The following ZNF676 variants were observed in gnomAD, a reference collection of about 807,000 sequenced individuals.
ZNF676 encodes the protein zinc finger protein 676.
ZNF676 carries 4 observed loss-of-function variants against 6.0 expected under a neutral mutation model. That is an observed-to-expected ratio of 0.67 (90% CI 0.33 to 1.53). The LOEUF (loss-of-function observed/expected upper bound fraction) is 1.53, where lower values mean the gene tolerates loss of function less well. Ranked by LOEUF, ZNF676 falls within the 40% of genes most tolerant of loss-of-function variation. The pLI is 0.06. For missense variants in ZNF676, 644 were observed against 679.7 expected, an observed-to-expected ratio of 0.95 and a Z score of 0.58; for synonymous variants, 198 against 223.1, an observed-to-expected ratio of 0.89 and a Z score of 1.00.
chr19:22,242,876 T>C, the ZNF676 span, among the ~76,000 whole-genome samples: 23 of 151,872 alleles, frequency 1.5e-4, no homozygotes, highest in South Asian at 2.1e-4. Flanking sequence ...GGAGTTACAT[T>C]ATGTAGCTGC....
chr19:22,183,116 C>CA (rs1185056389), intron 2 of ZNF676, among the ~76,000 whole-genome samples: 2 of 150,510 alleles, frequency 1.3e-5, no homozygotes, highest in African/African-American at 2.4e-5. Context: ...AGATACCACA[C>CA]AAAAAAATCT....
chr19:22,197,098 A>G, upstream of ZNF676: 3 of 211,450 alleles, frequency 1.4e-5, no homozygotes, highest in Non-Finnish European at 2.8e-5. Flanking sequence ...TGAGGTGGGC[A>G]GATCACCTGA....
chr19:22,215,745 C>A, exon 1 of ZNF676: 10 of 1,385,936 alleles, frequency 7.2e-6, no homozygotes, highest in Non-Finnish European at 9.9e-6. Flanking sequence ...AGGCCTTTAC[C>A]TCCGGCTGCA....
chr19:22,228,190 C>A, the ZNF676 span, among the ~76,000 whole-genome samples: 1 of 152,156 alleles, frequency 6.6e-6, no homozygotes, highest in Non-Finnish European at 1.5e-5. Flanking sequence ...GGATGCATGG[C>A]TGGTTCAACA....
chr19:22,185,078 A>G (rs986402281), intron 2 of ZNF676, among the ~76,000 whole-genome samples: 3 of 151,812 alleles, frequency 2.0e-5, no homozygotes, highest in Non-Finnish European at 2.9e-5. Context: ...ATTAAGAGAC[A>G]CCTCCCAGTA....
intron 1 of ZNF676, among the ~76,000 whole-genome samples, chr19:22,212,430 G>C (rs1384676233): frequency 6.6e-6 from 1 of 152,146 alleles, no homozygotes; most frequent in African/African-American, 2.4e-5. Flanking sequence ...GCCGGGCACA[G>C]TGGCTCACAC....
At chr19:22,224,214 GTTA>G in the ZNF676 span, among the ~76,000 whole-genome samples, 1 of 148,034 alleles carries the variant, frequency 6.8e-6, no homozygotes, top group African/African-American at 2.5e-5. Context: ...AAACATTTCT[GTTA>G]TTATTATTTT....
the ZNF676 span, among the ~76,000 whole-genome samples, chr19:22,252,190 T>C: frequency 7.9e-5 from 12 of 151,338 alleles, no homozygotes; most frequent in Admixed American, 6.6e-5. Flanking sequence ...AGATCAAGAG[T>C]TCAAGACCAG....
At chr19:22,255,860 C>CAAA in the ZNF676 span, among the ~76,000 whole-genome samples, 4 of 107,510 alleles carry the variant, frequency 3.7e-5, no homozygotes, top group South Asian at 2.9e-4. Flanking sequence ...GACTCCATCT[C>CAAA]AAAAAAAAAA....
chr19:22,232,870 AAC>A, the ZNF676 span, among the ~76,000 whole-genome samples: 9 of 152,188 alleles, frequency 5.9e-5, no homozygotes, highest in African/African-American at 2.2e-4. Flanking sequence ...GTTCAATGTA[AAC>A]TACAGATTTA....
the ZNF676 span, among the ~76,000 whole-genome samples, chr19:22,253,424 G>GTGTA: frequency 0.031 from 1,642 of 52,140 alleles, 43 homozygotes; most frequent in African/African-American, 0.081. Flanking sequence ...ATATGATAAT[G>GTGTA]TATATATATA....
At chr19:22,184,229 G>A (rs150308525) in intron 2 of ZNF676, among the ~76,000 whole-genome samples, 23 of 152,254 alleles carry the variant, frequency 1.5e-4, no homozygotes, top group African/African-American at 5.1e-4. Flanking sequence ...GGGGTGCAGT[G>A]TTGCCTCACC....
the ZNF676 span, among the ~76,000 whole-genome samples, chr19:22,225,243 T>A: frequency 6.6e-6 from 1 of 152,058 alleles, no homozygotes; most frequent in Non-Finnish European, 1.5e-5. Flanking sequence ...GTTTATTTCA[T>A]GTGACATAGT....
chr19:22,238,618 A>T, the ZNF676 span, among the ~76,000 whole-genome samples: 2 of 152,148 alleles, frequency 1.3e-5, no homozygotes. Context: ...AATCTGTATT[A>T]GTCAGGGTTC....
intron 2 of ZNF676, among the ~76,000 whole-genome samples, chr19:22,190,667 ATACACACTT>A (rs1398299579): frequency 4.1e-5 from 3 of 72,838 alleles, no homozygotes; most frequent in Non-Finnish European, 5.0e-5. Context: ...ATATATATAC[ATACACACTT>A]TAAGATATAT....
chr19:22,239,404 T>C, the ZNF676 span, among the ~76,000 whole-genome samples: 4 of 151,774 alleles, frequency 2.6e-5, no homozygotes, highest in East Asian at 7.8e-4. Flanking sequence ...ATGGTCTCAA[T>C]CTCCTGACCT....
chr19:22,258,247 G>C, the ZNF676 span, among the ~76,000 whole-genome samples: 1 of 152,098 alleles, frequency 6.6e-6, no homozygotes, highest in Non-Finnish European at 1.5e-5. Context: ...CCAGGTAAAA[G>C]AGAAGAGTCA....
chr19:22,182,974 G>C lies in ZNF676; in HGVS notation c.131-1388C>G, dbSNP rs1253068213. ...TGTTAATGAATATACAACATAAATA[G>C]ATAAACTTAGCAACATCAGTGAAAA... On this transcript the variant is annotated intron_variant, in intron 2 of 2. Coordinates refer to ENST00000397121, the MANE Select transcript of ZNF676 (RefSeq NM_001001411.3). 9.2e-5 allele frequency among the ~76,000 whole-genome samples: 14 copies of C among 152,162 alleles called. No individual in the cohort carries two copies. In the South Asian group the frequency reaches 2.7e-3, roughly 29 times the overall value.
chr19:22,219,468 A>G (rs1046385621), upstream of ZNF676, among the ~76,000 whole-genome samples: 3 of 152,070 alleles, frequency 2.0e-5, no homozygotes, highest in Non-Finnish European at 4.4e-5. Flanking sequence ...AACAGTGACA[A>G]TTTGACTTCC....
Sources: gnomAD v4.1 joint callset for allele counts (sites outside exome capture counted in the v4.1 genomes callset) on GRCh38, gnomAD v4.1.1 for gene constraint, MANE v1.5 for transcripts, NCBI Gene and HGNC (gene_info 2026-07-23, HGNC 2026-07-21) for gene names.